COG5: variants seen among roughly 807,000 people sequenced by gnomAD.
COG5 encodes the protein component of oligomeric golgi complex 5, also known as conserved oligomeric Golgi complex subunit 5.
A neutral mutation model predicts 110.4 loss-of-function variants in COG5; 86 were observed. The observed-to-expected ratio is 0.78, with a 90% CI of 0.65 to 0.93. COG5 has a LOEUF of 0.93. COG5 is among the 40% of genes least tolerant of loss of function. The pLI is 0.00. For missense variants in COG5, 1,077 were observed against 987.0 expected, an observed-to-expected ratio of 1.09 and a Z score of -1.22; for synonymous variants, 360 against 334.6, an observed-to-expected ratio of 1.08 and a Z score of -0.83.
chr7:107,440,009 T>C (rs1265842245), intron 6 of COG5, among the ~76,000 whole-genome samples: 1 of 152,136 alleles, frequency 6.6e-6, no homozygotes, highest in Non-Finnish European at 1.5e-5. Flanking sequence ...CTCCATGAAT[T>C]TCTTGACTAA....
intron 8 of COG5, among the ~76,000 whole-genome samples, chr7:107,368,629 C>A (rs1381836247): frequency 6.6e-6 from 1 of 152,154 alleles, no homozygotes; most frequent in African/African-American, 2.4e-5. Context: ...TTATGCCTCT[C>A]CATTTACCCT....
chr7:107,378,994 G>A (rs1488612810), intron 7 of COG5, among the ~76,000 whole-genome samples: 1 of 152,140 alleles, frequency 6.6e-6, no homozygotes, highest in East Asian at 1.9e-4. Context: ...TTGAAATGAA[G>A]GAAAAAATAT....
intron 6 of COG5, among the ~76,000 whole-genome samples, chr7:107,422,718 C>T (rs1339198943): frequency 1.3e-5 from 2 of 148,682 alleles, no homozygotes; most frequent in Non-Finnish European, 3.0e-5. Flanking sequence ...AGCCATGACT[C>T]TGTGTGTGTT....
At position 107,541,523 on chromosome 7, in the gene COG5, A is replaced by AT. The variant is rs923191098; in HGVS notation, c.417+6587_417+6588insA. 4.7e-3 allele frequency among the ~76,000 whole-genome samples: 264 copies of AT among 56,662 alleles called. 1 individual carries two copies. Among genetic ancestry groups the AT allele is most frequent in the Non-Finnish European group, 5.7e-3 (169 of 29,780 alleles). 37.2% of individuals were successfully genotyped at this position (56,662 alleles called of 152,430 possible). A position where few individuals can be genotyped will look rare whatever the true frequency, so the allele number is the denominator to read the frequency against. On this transcript the variant is annotated intron_variant, in intron 5 of 21. Coordinates refer to ENST00000297135, the MANE Select transcript of COG5 (RefSeq NM_006348.5). ...AAAAAAAAAAAAAAAAAAAAAAAAAAATATATATATATATATATATGTATT... is the reference window on the plus strand; with the variant it reads ...AAAAAAAAAAAAAAAAAAAAAAAAAATATATATATATATATATATATGTATT...
At chr7:107,384,460 C>A (rs1294054137) in intron 7 of COG5, among the ~76,000 whole-genome samples, 2 of 152,152 alleles carry the variant, frequency 1.3e-5, no homozygotes, top group Admixed American at 1.3e-4. Flanking sequence ...GGGATTTGAA[C>A]TGCCGGGCAG....
chr7:107,371,549 G>A (rs895341626), intron 8 of COG5, among the ~76,000 whole-genome samples: 5 of 152,136 alleles, frequency 3.3e-5, no homozygotes, highest in African/African-American at 1.2e-4. Flanking sequence ...CATCAACCCT[G>A]TGATGGATCA....
At chr7:107,363,721 C>T (rs1813341199) in intron 8 of COG5, among the ~76,000 whole-genome samples, 1 of 151,962 alleles carries the variant, frequency 6.6e-6, no homozygotes, top group Non-Finnish European at 1.5e-5. Context: ...CTTTGAGAGG[C>T]CAAGGTGGAC....
At chr7:107,265,987 GGCTGCAGT>G (rs2116682762) in intron 14 of COG5, among the ~76,000 whole-genome samples, 1 of 152,192 alleles carries the variant, frequency 6.6e-6, no homozygotes, top group African/African-American at 2.4e-5. Flanking sequence ...AGGAGGTCAA[GGCTGCAGT>G]GAGCTGTGAC....
At chr7:107,295,103 T>TA (rs1562955870) in intron 12 of COG5, among the ~76,000 whole-genome samples, 55 of 45,888 alleles carry the variant, frequency 1.2e-3, no homozygotes, top group South Asian at 6.4e-3. Context: ...ATATATATAT[T>TA]TTTTTTTTTT....
chr7:107,483,735 T>A (rs1468445442), intron 6 of COG5, among the ~76,000 whole-genome samples: 1 of 150,884 alleles, frequency 6.6e-6, no homozygotes, highest in African/African-American at 2.4e-5. Flanking sequence ...ACAAAGACCA[T>A]AACTCAATAA....
chr7:107,210,145 A>G lies in COG5; in HGVS notation c.2375+381T>C, dbSNP rs1024914458. 2.8e-6 allele frequency: 3 copies of G among 1,075,148 alleles called. No individual in the cohort carries two copies. In the Admixed American group the frequency reaches 1.4e-4, roughly 49 times the overall value. 66.6% of individuals were successfully genotyped at this position (1,075,148 alleles called of 1,614,324 possible). A position where few individuals can be genotyped will look rare whatever the true frequency, so the allele number is the denominator to read the frequency against. ...GTTTCGCACTTGGGTATTTTTAAAA[A>G]TTCACTCACATCTGTGTTCCACCAA... On this transcript the variant is annotated intron_variant, in intron 21 of 21. Transcript: ENST00000297135.
chr7:107,556,924 C>T (rs896237080), intron 2 of COG5, among the ~76,000 whole-genome samples: 1 of 152,090 alleles, frequency 6.6e-6, no homozygotes. Context: ...GCGCCCACCA[C>T]CATGCCCAGC....
intron 7 of COG5, among the ~76,000 whole-genome samples, chr7:107,386,702 C>G (rs1437717896): frequency 2.0e-5 from 3 of 152,138 alleles, no homozygotes; most frequent in Non-Finnish European, 4.4e-5. Context: ...CTGATGCAAA[C>G]TGTTGTAACC....
At chr7:107,409,162 G>C (rs377405093) in intron 7 of COG5, among the ~76,000 whole-genome samples, 158 of 139,994 alleles carry the variant, frequency 1.1e-3, no homozygotes, top group Non-Finnish European at 2.9e-4. Context: ...CACACAGAGA[G>C]AGCACAAAGA....
chr7:107,508,168 T>C (rs1023534117), intron 6 of COG5, among the ~76,000 whole-genome samples: 7 of 152,136 alleles, frequency 4.6e-5, no homozygotes, highest in African/African-American at 1.4e-4. Context: ...GAAAATCGGG[T>C]AACTCCCACC....
At chr7:107,353,191 C>T (rs1170299538) in intron 10 of COG5, among the ~76,000 whole-genome samples, 6 of 151,778 alleles carry the variant, frequency 4.0e-5, no homozygotes, top group African/African-American at 1.2e-4. Flanking sequence ...TTTGGGAGGC[C>T]GAGGTGGGCG....
intron 8 of COG5, among the ~76,000 whole-genome samples, chr7:107,363,577 A>G (rs993939703): frequency 6.6e-6 from 1 of 152,156 alleles, no homozygotes; most frequent in African/African-American, 2.4e-5. Flanking sequence ...AGAATGACAG[A>G]ATTAGAAAAA....
intron 6 of COG5, among the ~76,000 whole-genome samples, chr7:107,460,289 C>T (rs1795907920): frequency 6.6e-6 from 1 of 151,634 alleles, no homozygotes; most frequent in South Asian, 2.1e-4. Context: ...TGTAGTGCCA[C>T]CTACTTGGAA....
At chr7:107,212,785 C>G (rs1164372368) in intron 19 of COG5, among the ~76,000 whole-genome samples, 3 of 152,196 alleles carry the variant, frequency 2.0e-5, no homozygotes, top group Non-Finnish European at 2.9e-5. Flanking sequence ...CTACATGGAA[C>G]ACAGAACCAT....
Sources: gnomAD v4.1 joint callset for allele counts (sites outside exome capture counted in the v4.1 genomes callset) on GRCh38, gnomAD v4.1.1 for gene constraint, MANE v1.5 for transcripts, NCBI Gene and HGNC (gene_info 2026-07-23, HGNC 2026-07-21) for gene names.